Variants in RALYL observed in about 807,000 individuals in gnomAD.
RALYL encodes RALY RNA binding protein like.
A neutral mutation model predicts 35.1 loss-of-function variants in RALYL; 29 were observed. That is an observed-to-expected ratio of 0.83 (90% CI 0.61 to 1.13). The LOEUF (loss-of-function observed/expected upper bound fraction) is 1.13, where lower values mean the gene tolerates loss of function less well. Among genes scored for constraint, RALYL ranks in the 50% most tolerant of loss-of-function variants. RALYL has a pLI of 0.00. For missense variants in RALYL, 359 were observed against 360.4 expected (o/e 1.00, Z 0.03); for synonymous variants, 120 against 127.6 (o/e 0.94, Z 0.40).
intron 2 of RALYL, among the ~76,000 whole-genome samples, chr8:84,759,105 ACCTCCTCTTCTTC>A (rs1227735112): frequency 1.3e-5 from 2 of 151,756 alleles, no homozygotes; most frequent in Admixed American, 6.6e-5. Context: ...TGGCACTATG[ACCTCCTCTTCTTC>A]CCTCCTCTTC....
chr8:84,709,560 TA>T (rs927031004), intron 2 of RALYL, among the ~76,000 whole-genome samples: 14 of 151,308 alleles, frequency 9.3e-5, no homozygotes, highest in African/African-American at 2.7e-4. Flanking sequence ...TATTTTACTT[TA>T]AAAAAAAACT....
At chr8:84,653,099 G>A (rs1030023858) in intron 2 of RALYL, among the ~76,000 whole-genome samples, 3 of 152,028 alleles carry the variant, frequency 2.0e-5, no homozygotes, top group Non-Finnish European at 4.4e-5. Context: ...AAACTTGAGA[G>A]TGCGTACCAG....
chr8:84,449,346 C>T (rs2049203502), intron 1 of RALYL, among the ~76,000 whole-genome samples: 1 of 151,886 alleles, frequency 6.6e-6, no homozygotes, highest in Non-Finnish European at 1.5e-5. Context: ...ATGTCATGTT[C>T]CTTGATTATT....
intron 2 of RALYL, among the ~76,000 whole-genome samples, chr8:84,551,957 C>T (rs537188584): frequency 2.0e-5 from 3 of 152,076 alleles, no homozygotes; most frequent in Admixed American, 6.6e-5. Flanking sequence ...ATAGATACTC[C>T]CATTTTTCCA....
chr8:84,696,562 G>A (rs536633797), intron 2 of RALYL, among the ~76,000 whole-genome samples: 1 of 151,998 alleles, frequency 6.6e-6, no homozygotes, highest in Admixed American at 6.6e-5. Flanking sequence ...AGTATTTACT[G>A]TGTTCTCCAG....
At chr8:84,694,455 T>C (rs1323030064) in intron 2 of RALYL, among the ~76,000 whole-genome samples, 1 of 151,834 alleles carries the variant, frequency 6.6e-6, no homozygotes, top group African/African-American at 2.4e-5. Flanking sequence ...TGAAAGAAAT[T>C]GTAGAAGACA....
chr8:84,804,828 G>A (rs1824215256), intron 4 of RALYL, 26 bp downstream of exon 4: 1 of 1,017,988 alleles, frequency 9.8e-7, no homozygotes, highest in Non-Finnish European at 1.3e-6. Flanking sequence ...AATACTTTAA[G>A]TATTAATTAT....
At chr8:84,839,330 C>A (rs150848722) in intron 4 of RALYL, among the ~76,000 whole-genome samples, 3,342 of 152,346 alleles carry the variant, frequency 0.022, 53 homozygotes, top group Middle Eastern at 0.051. Context: ...TATCCCGCAC[C>A]TGGCTCGGAA....
chr8:84,665,822 C>T (rs1831906586), intron 2 of RALYL: 1 of 151,974 alleles, frequency 6.6e-6, no homozygotes. Flanking sequence ...CTACTCTTCT[C>T]TGTATCACTT....
chr8:84,619,297 T>C (rs1820671762), intron 2 of RALYL, among the ~76,000 whole-genome samples: 1 of 151,784 alleles, frequency 6.6e-6, no homozygotes, highest in East Asian at 1.9e-4. Context: ...TGCATATATA[T>C]TTAGGATAGT....
chr8:84,403,514 C>T (rs1221027801), intron 1 of RALYL, among the ~76,000 whole-genome samples: 16 of 73,010 alleles, frequency 2.2e-4, no homozygotes, highest in African/African-American at 8.0e-4. Context: ...TTCCATTGGT[C>T]TATATCTCTG....
chr8:84,608,138 C>T (rs546894759), intron 2 of RALYL, among the ~76,000 whole-genome samples: 19 of 152,032 alleles, frequency 1.2e-4, no homozygotes, highest in Non-Finnish European at 2.6e-4. Context: ...TCAGGCCCCC[C>T]GAATTTCCTG....
At chr8:84,608,189 C>T (rs1452597441) in intron 2 of RALYL, among the ~76,000 whole-genome samples, 2 of 152,102 alleles carry the variant, frequency 1.3e-5, no homozygotes, top group African/African-American at 4.8e-5. Flanking sequence ...TAGAGCATCT[C>T]CTCCAGGATC....
intron 3 of RALYL, among the ~76,000 whole-genome samples, chr8:84,790,087 T>G (rs1228132254): frequency 6.6e-6 from 1 of 151,918 alleles, no homozygotes; most frequent in East Asian, 1.9e-4. Flanking sequence ...CTCACTGGAG[T>G]GAGTTGCCAT....
intron 2 of RALYL, among the ~76,000 whole-genome samples, chr8:84,606,268 G>A (rs1053653057): frequency 1.3e-5 from 2 of 152,110 alleles, no homozygotes; most frequent in East Asian, 1.9e-4. Context: ...GCAGCAGAGA[G>A]TTTACTAATT....
intron 1 of RALYL, among the ~76,000 whole-genome samples, chr8:84,455,851 C>T (rs1306060089): frequency 6.6e-6 from 1 of 151,972 alleles, no homozygotes; most frequent in Non-Finnish European, 1.5e-5. Context: ...AAACAATTTA[C>T]ATCAGAACTT....
chr8:84,751,672 T>G (rs1278155517), intron 2 of RALYL, among the ~76,000 whole-genome samples: 1 of 151,856 alleles, frequency 6.6e-6, no homozygotes, highest in Non-Finnish European at 1.5e-5. Flanking sequence ...CATGACAGAG[T>G]TCTTACAAGA....
At chr8:84,390,019 T>C (rs551310165) in intron 1 of RALYL, among the ~76,000 whole-genome samples, 1 of 152,260 alleles carries the variant, frequency 6.6e-6, no homozygotes, top group South Asian at 2.1e-4. Flanking sequence ...ATACGTCCCA[T>C]CAATACCTCA....
intron 2 of RALYL, among the ~76,000 whole-genome samples, chr8:84,646,953 T>C (rs1369346554): frequency 6.6e-6 from 1 of 152,076 alleles, no homozygotes; most frequent in African/African-American, 2.4e-5. Flanking sequence ...ATCCTACTCT[T>C]TTTTAGTTCT....
Sources: allele counts gnomAD v4.1 joint callset (sites outside exome capture counted in the v4.1 genomes callset), GRCh38; gene constraint gnomAD v4.1.1; transcripts MANE v1.5; gene names NCBI Gene and HGNC (gene_info 2026-07-23, HGNC 2026-07-21).